Variants in TTLL5 observed in about 807,000 individuals in gnomAD.
TTLL5 encodes the protein tubulin tyrosine ligase like 5.
Under a neutral mutation model 168.4 loss-of-function variants are expected in TTLL5, and 132 were observed. That is an observed-to-expected ratio of 0.78 (90% CI 0.68 to 0.91). The LOEUF (loss-of-function observed/expected upper bound fraction) is 0.91. Among genes scored for constraint, TTLL5 ranks in the 40% least tolerant of loss-of-function variants. TTLL5 has a pLI of 0.00. For missense variants in TTLL5, 1,545 were observed against 1,581.5 expected, an observed-to-expected ratio of 0.98 and a Z score of 0.39; for synonymous variants, 546 against 558.6, an observed-to-expected ratio of 0.98 and a Z score of 0.32.
At chr14:75,683,712 G>A (rs1884802915) in intron 5 of TTLL5, 56 bp downstream of exon 5, 3 of 1,390,222 alleles carry the variant, frequency 2.2e-6, no homozygotes, top group Non-Finnish European at 2.0e-6. Flanking sequence ...ATTGGGGCAT[G>A]TAGCCAGCAA....
At chr14:75,888,318 C>T (rs1407367419) in intron 30 of TTLL5, among the ~76,000 whole-genome samples, 2 of 152,188 alleles carry the variant, frequency 1.3e-5, no homozygotes, top group Non-Finnish European at 2.9e-5. Context: ...TCTTCCCTTG[C>T]TGATTCATAT....
At chr14:75,717,210 G>A (rs150352621) in intron 9 of TTLL5, among the ~76,000 whole-genome samples, 1,679 of 152,148 alleles carry the variant, frequency 0.011, 19 homozygotes, top group Non-Finnish European at 0.016. Flanking sequence ...TGTCTCCTGG[G>A]CTCAAGCAGT....
intron 2 of TTLL5, among the ~76,000 whole-genome samples, chr14:75,668,091 G>A (rs1012526435): frequency 6.6e-6 from 1 of 151,986 alleles, no homozygotes; most frequent in African/African-American, 2.4e-5. Context: ...TGGATTGGGA[G>A]GGGCTGACTT....
intron 29 of TTLL5, among the ~76,000 whole-genome samples, chr14:75,876,761 C>T (rs1250494445): frequency 6.6e-6 from 1 of 152,182 alleles, no homozygotes; most frequent in Non-Finnish European, 1.5e-5. Context: ...GAACTCCATA[C>T]AGTGTGAGAC....
intron 29 of TTLL5, among the ~76,000 whole-genome samples, chr14:75,872,101 G>T (rs1358293745): frequency 6.6e-6 from 1 of 152,218 alleles, no homozygotes; most frequent in Non-Finnish European, 1.5e-5. Flanking sequence ...TTAGCCAGTT[G>T]AGCTTTCTAT....
intron 29 of TTLL5, among the ~76,000 whole-genome samples, chr14:75,874,555 T>C (rs950786736): frequency 2.6e-5 from 4 of 152,212 alleles, no homozygotes; most frequent in African/African-American, 7.2e-5. Context: ...ATCAAAGGAA[T>C]GATAAGTAAA....
chr14:75,773,642 G>A (rs1029414465), intron 21 of TTLL5, among the ~76,000 whole-genome samples: 12 of 151,472 alleles, frequency 7.9e-5, no homozygotes, highest in African/African-American at 2.4e-4. Context: ...TAATCCCAGC[G>A]CTTTGGGAGG....
rs146883334 is a variant in TTLL5, at chr14:75,671,313, A to C, written c.181+1791A>C. ...TCTTGATTACCGTACCTTTGTATTAAGTTTTGAAATTGCGGATTGTAAGTC... is the reference window on the plus strand; with the variant it reads ...TCTTGATTACCGTACCTTTGTATTACGTTTTGAAATTGCGGATTGTAAGTC... On this transcript the variant is annotated intron_variant, in intron 3 of 31. Coordinates refer to ENST00000298832, the MANE Select transcript of TTLL5 (RefSeq NM_015072.5). 3.9e-3 allele frequency among the ~76,000 whole-genome samples: 599 copies of C among 152,308 alleles called. 3 individuals are homozygous for C. The highest frequency in any genetic ancestry group is 0.014 in the African/African-American group (574 of 41,570).
intron 12 of TTLL5, among the ~76,000 whole-genome samples, chr14:75,729,633 A>T (rs1032200546): frequency 4.6e-5 from 7 of 152,182 alleles, no homozygotes; most frequent in Non-Finnish European, 8.8e-5. Context: ...ATGCTGTCAC[A>T]TACCAATATA....
At chr14:75,867,428 G>C (rs2139964496) in intron 29 of TTLL5, among the ~76,000 whole-genome samples, 1 of 152,268 alleles carries the variant, frequency 6.6e-6, no homozygotes, top group East Asian at 1.9e-4. Context: ...TGTGTTCCAA[G>C]CACTATTCAG....
At chr14:75,860,474 C>A (rs941848357) in intron 28 of TTLL5, among the ~76,000 whole-genome samples, 2 of 152,214 alleles carry the variant, frequency 1.3e-5, no homozygotes, top group Admixed American at 6.5e-5. Flanking sequence ...GTCTAGATTG[C>A]TTTCTGTAGC....
chr14:75,874,849 C>A (rs1265743350), intron 29 of TTLL5, among the ~76,000 whole-genome samples: 1 of 146,054 alleles, frequency 6.8e-6, no homozygotes, highest in Non-Finnish European at 1.5e-5. Context: ...TGCACATGTA[C>A]ATATGGTATT....
At chr14:75,779,265 G>A (rs1261859010) in intron 23 of TTLL5, among the ~76,000 whole-genome samples, 1 of 152,178 alleles carries the variant, frequency 6.6e-6, no homozygotes, top group Admixed American at 6.5e-5. Flanking sequence ...CACTTGAAGT[G>A]TGGCTAGTTT....
chr14:75,888,213 A>T (rs1428072296), intron 30 of TTLL5, among the ~76,000 whole-genome samples: 1 of 152,172 alleles, frequency 6.6e-6, no homozygotes, highest in African/African-American at 2.4e-5. Context: ...CGTCAGTCAG[A>T]GGGATGGGTG....
At chr14:75,848,530 C>G (rs1389320165) in intron 28 of TTLL5, among the ~76,000 whole-genome samples, 1 of 150,548 alleles carries the variant, frequency 6.6e-6, no homozygotes. Flanking sequence ...GAGCCGGACT[C>G]AGTCTTCATT....
intron 28 of TTLL5, among the ~76,000 whole-genome samples, chr14:75,846,555 C>T (rs983862233): frequency 6.6e-6 from 1 of 152,100 alleles, no homozygotes; most frequent in African/African-American, 2.4e-5. Flanking sequence ...CTTTGGGAGG[C>T]CGAGGCGGGC....
intron 28 of TTLL5, among the ~76,000 whole-genome samples, chr14:75,829,407 C>T (rs1895433149): frequency 6.6e-6 from 1 of 152,006 alleles, no homozygotes; most frequent in African/African-American, 2.4e-5. Context: ...ATACTGTATT[C>T]TTACTAAAAA....
intron 2 of TTLL5, among the ~76,000 whole-genome samples, chr14:75,666,943 G>C (rs1883304738): frequency 6.6e-6 from 1 of 152,178 alleles, no homozygotes. Context: ...ATATGTACCA[G>C]TTTCTGATGT....
intron 10 of TTLL5, among the ~76,000 whole-genome samples, chr14:75,718,960 T>G (rs1887652095): frequency 1.3e-5 from 2 of 152,218 alleles, no homozygotes; most frequent in Non-Finnish European, 2.9e-5. Context: ...TGAGCAGCAT[T>G]TGCATTGACT....
Sources: allele counts gnomAD v4.1 joint callset (sites outside exome capture counted in the v4.1 genomes callset), GRCh38; gene constraint gnomAD v4.1.1; transcripts MANE v1.5; gene names NCBI Gene and HGNC (gene_info 2026-07-23, HGNC 2026-07-21).